Variants in ZDHHC15 observed in about 807,000 individuals in gnomAD.
ZDHHC15 encodes the protein zDHHC palmitoyltransferase 15, also known as palmitoyltransferase ZDHHC15.
In ZDHHC15, 19 loss-of-function variants were observed where a neutral mutation model predicts 31.7. That is an observed-to-expected ratio of 0.60 (90% CI 0.42 to 0.88). The LOEUF is 0.88. ZDHHC15 is among the 40% of genes least tolerant of loss of function. The pLI is 0.00. For synonymous variants in ZDHHC15, 103 were observed against 90.0 expected, an observed-to-expected ratio of 1.14 and a Z score of -0.82; for missense variants, 209 against 251.2, an observed-to-expected ratio of 0.83 and a Z score of 1.14.
chrX:75,491,636 T>G (rs1183677841), intron 2 of ZDHHC15, among the ~76,000 whole-genome samples: 8 of 109,474 alleles, frequency 7.3e-5, no homozygotes, highest in East Asian at 2.9e-4. Flanking sequence ...AATAATAAAA[T>G]AAAAGAAAAA....
At chrX:75,405,212 C>T (rs1287904865) in intron 10 of ZDHHC15, among the ~76,000 whole-genome samples, 1 of 110,966 alleles carries the variant, frequency 9.0e-6, no homozygotes, top group Admixed American at 9.6e-5. Context: ...AAAAAACAGA[C>T]ACTGGTGTCT....
chrX:75,394,109 C>T (rs554988843), intron 10 of ZDHHC15, among the ~76,000 whole-genome samples: 1 of 111,661 alleles, frequency 9.0e-6, no homozygotes, highest in South Asian at 3.8e-4. Context: ...AAGATCAATA[C>T]TTTGTATCCT....
intron 2 of ZDHHC15, among the ~76,000 whole-genome samples, chrX:75,486,950 T>G (rs776223768): frequency 1.8e-5 from 2 of 111,184 alleles, no homozygotes; most frequent in Admixed American, 1.9e-4. Context: ...GGGAAATCTA[T>G]GGCACCACCT....
intron 2 of ZDHHC15, among the ~76,000 whole-genome samples, chrX:75,488,837 G>A (rs1307463414): frequency 3.6e-5 from 4 of 112,177 alleles, no homozygotes; most frequent in African/African-American, 9.7e-5. Flanking sequence ...AGGGACTTCC[G>A]TTTCCTAGCC....
At chrX:75,502,645 T>C (rs1177425748) in intron 2 of ZDHHC15, among the ~76,000 whole-genome samples, 1 of 111,226 alleles carries the variant, frequency 9.0e-6, no homozygotes, top group African/African-American at 3.3e-5. Context: ...TGATGGATCA[T>C]GCCTAAAGTT....
intron 10 of ZDHHC15, among the ~76,000 whole-genome samples, chrX:75,409,361 G>A (rs767308477): frequency 1.7e-4 from 19 of 108,946 alleles, no homozygotes; most frequent in Non-Finnish European, 3.2e-4. Flanking sequence ...CATTGTGTAC[G>A]CCTGTAATCC....
chrX:75,499,868 A>T (rs1217612259), intron 2 of ZDHHC15, among the ~76,000 whole-genome samples: 1 of 111,979 alleles, frequency 8.9e-6, no homozygotes, highest in East Asian at 2.8e-4. Flanking sequence ...TCACAATTGC[A>T]AAAATATGAA....
At chrX:75,517,555 T>C (rs1441067639) in intron 1 of ZDHHC15, among the ~76,000 whole-genome samples, 1 of 74,669 alleles carries the variant, frequency 1.3e-5, no homozygotes, top group African/African-American at 5.6e-5. Flanking sequence ...CTTGGACACA[T>C]GGTGGGGAAC....
At chrX:75,424,335 C>T (rs1435867975) in intron 8 of ZDHHC15, among the ~76,000 whole-genome samples, 1 of 111,059 alleles carries the variant, frequency 9.0e-6, no homozygotes, top group East Asian at 2.8e-4. Context: ...TCTTTAATTT[C>T]CTCATGTGAA....
intron 10 of ZDHHC15, among the ~76,000 whole-genome samples, chrX:75,407,676 C>T (rs1234452116): frequency 9.9e-6 from 1 of 101,484 alleles, no homozygotes; most frequent in Non-Finnish European, 2.1e-5. Context: ...AAGTGAGGAG[C>T]CCCTCTGCCC....
chrX:75,408,821 A>G (rs931311205), intron 10 of ZDHHC15, among the ~76,000 whole-genome samples: 1 of 112,686 alleles, frequency 8.9e-6, no homozygotes, highest in Non-Finnish European at 1.9e-5. Flanking sequence ...CTTAAGAAAT[A>G]AATCAAGGAA....
intron 4 of ZDHHC15, among the ~76,000 whole-genome samples, chrX:75,435,377 T>C (rs1298037009): frequency 1.8e-5 from 2 of 111,672 alleles, no homozygotes; most frequent in Non-Finnish European, 3.8e-5. Flanking sequence ...TCCAGTACTA[T>C]GTTGAATAGA....
intron 4 of ZDHHC15, among the ~76,000 whole-genome samples, chrX:75,444,318 G>C (rs1476639108): frequency 1.7e-4 from 18 of 108,496 alleles, no homozygotes; most frequent in Admixed American, 1.0e-4. Context: ...GTCCTTTGTA[G>C]GGACATGGAT....
chrX:75,482,301 G>C (rs985827040), intron 2 of ZDHHC15, among the ~76,000 whole-genome samples: 6 of 111,851 alleles, frequency 5.4e-5, no homozygotes, highest in African/African-American at 1.9e-4. Context: ...TTTTAAAAGA[G>C]TTGTTTCCAT....
At chrX:75,405,447 G>T (rs941842754) in intron 10 of ZDHHC15, among the ~76,000 whole-genome samples, 2 of 110,915 alleles carry the variant, frequency 1.8e-5, no homozygotes, top group Admixed American at 9.6e-5. Context: ...CACCTATAAA[G>T]ACACACATAA....
At chrX:75,447,861 C>G (rs1477686604) in intron 4 of ZDHHC15, among the ~76,000 whole-genome samples, 1 of 111,775 alleles carries the variant, frequency 8.9e-6, no homozygotes, top group Non-Finnish European at 1.9e-5. Context: ...TTGGAATCCT[C>G]GTATCTCTGA....
At chrX:75,436,551 C>T (rs747671346) in intron 4 of ZDHHC15, among the ~76,000 whole-genome samples, 1 of 111,967 alleles carries the variant, frequency 8.9e-6, no homozygotes. Context: ...TCATTCAGTT[C>T]AAAGAATTTT....
At chrX:75,385,349 C>A (rs2083168741) in intron 10 of ZDHHC15, among the ~76,000 whole-genome samples, 1 of 111,029 alleles carries the variant, frequency 9.0e-6, no homozygotes, top group African/African-American at 3.3e-5. Flanking sequence ...TGAAAGTGTG[C>A]TTTGATAGGA....
chrX:75,441,191 G>A (rs1475855272), intron 4 of ZDHHC15, among the ~76,000 whole-genome samples: 2 of 111,636 alleles, frequency 1.8e-5, no homozygotes, highest in East Asian at 5.7e-4. Context: ...TCATCTCCCT[G>A]GATTCTGCCC....
Sources: gnomAD v4.1 joint callset for allele counts (sites outside exome capture counted in the v4.1 genomes callset) on GRCh38, gnomAD v4.1.1 for gene constraint, MANE v1.5 for transcripts, NCBI Gene and HGNC (gene_info 2026-07-23, HGNC 2026-07-21) for gene names.